The following PCDHGA4 variants were observed in gnomAD, a reference collection of about 807,000 sequenced individuals.
PCDHGA4 encodes the protein protocadherin gamma subfamily A, 4, also known as protocadherin gamma-A4.
In PCDHGA4, 38 loss-of-function variants were observed where a neutral mutation model predicts 54.6. The observed-to-expected ratio is 0.70, with a 90% CI of 0.54 to 0.91. PCDHGA4 has a LOEUF of 0.91. Ranked by LOEUF, PCDHGA4 falls within the 40% of genes least tolerant of loss-of-function variation. The pLI is 0.00. For missense variants in PCDHGA4, 1,298 were observed against 1,220.9 expected, an observed-to-expected ratio of 1.06 and a Z score of -0.94; for synonymous variants, 511 against 512.9, an observed-to-expected ratio of 1.00 and a Z score of 0.05.
chr5:141,456,178 A>G (rs1216202318), intron 1 of PCDHGA4, among the ~76,000 whole-genome samples: 1 of 151,926 alleles, frequency 6.6e-6, no homozygotes, highest in African/African-American at 2.4e-5. Context: ...ATTACAGAAT[A>G]ATTTCTTAAT....
At chr5:141,386,536 G>C (rs919634660) in intron 1 of PCDHGA4, among the ~76,000 whole-genome samples, 6 of 151,656 alleles carry the variant, frequency 4.0e-5, no homozygotes, top group Admixed American at 6.6e-5. Flanking sequence ...TTTTAGACTA[G>C]TGTTGTATTT....
intron 1 of PCDHGA4, chr5:141,423,505 C>G: frequency 6.2e-7 from 1 of 1,613,932 alleles, no homozygotes; most frequent in Non-Finnish European, 8.5e-7. Context: ...CGAGGTCTCT[C>G]TCATTGCGGA....
intron 1 of PCDHGA4, chr5:141,364,117 G>A: frequency 2.2e-6 from 1 of 453,996 alleles, no homozygotes; most frequent in Non-Finnish European, 3.8e-6. Flanking sequence ...TTAGGACTCT[G>A]AGTGTCGCTG....
chr5:141,392,597 C>G (rs761805266), intron 1 of PCDHGA4: 11 of 501,346 alleles, frequency 2.2e-5, no homozygotes, highest in Non-Finnish European at 3.8e-5. Context: ...TGTTCACCTA[C>G]TGGAAGACAA....
intron 1 of PCDHGA4, chr5:141,393,681 C>G (rs2092820491): frequency 1.2e-6 from 2 of 1,613,772 alleles, no homozygotes; most frequent in Non-Finnish European, 1.7e-6. Context: ...AAAACAAACT[C>G]CGTTATTCCA....
intron 1 of PCDHGA4, chr5:141,405,413 T>C: frequency 6.4e-7 from 1 of 1,561,606 alleles, no homozygotes; most frequent in South Asian, 1.2e-5. Context: ...TTTTCTTTTT[T>C]TGTTTTTTGT....
At chr5:141,443,317 C>CAA (rs35054295) in intron 1 of PCDHGA4, among the ~76,000 whole-genome samples, 2,546 of 141,926 alleles carry the variant, frequency 0.018, 55 homozygotes, top group African/African-American at 0.052. Flanking sequence ...CCCATCTCTA[C>CAA]AAAAAAAAAA....
intron 1 of PCDHGA4, chr5:141,387,869 G>A (rs772536133): frequency 6.3e-7 from 1 of 1,590,306 alleles, no homozygotes; most frequent in Non-Finnish European, 8.5e-7. Context: ...TGAGCAAGCT[G>A]AGGAGAGCAA....
At chr5:141,415,740 G>GTTTTTTTTTTTTTTTGT (rs2095912649) in intron 1 of PCDHGA4, 1 of 515,998 alleles carries the variant, frequency 1.9e-6, no homozygotes, top group Non-Finnish European at 2.6e-6. Flanking sequence ...GTTTATTAAG[G>GTTTTTTTTTTTTTTTGT]TTTTTTTTTT....
intron 1 of PCDHGA4, chr5:141,366,233 A>T (rs1354193643): frequency 6.2e-7 from 1 of 1,613,792 alleles, no homozygotes; most frequent in Admixed American, 1.7e-5. Flanking sequence ...CCTGCTGGAC[A>T]GAGACGCGCT....
In PCDHGA4 at chr5:141,414,114, T is replaced by C. The variant is rs145910780; in HGVS notation, c.2514+56493T>C. The C allele has an allele frequency of 2.0e-5, 32 of 1,592,348 alleles. 2 individuals carry two copies. In the East Asian group the frequency reaches 6.3e-4, roughly 32 times the overall value. ...TAAAAATATCAGAAAATCTAGATTA[T>C]GAAGAAACCGGTTTCTATGAAATAG... On this transcript the variant is annotated intron_variant, in intron 1 of 3. Coordinates refer to ENST00000571252, the MANE Select transcript of PCDHGA4 (RefSeq NM_018917.4).
At position 141,361,194 on chromosome 5, in the gene PCDHGA4, T is replaced by TA. The variant is rs755692638; in HGVS notation, c.2514+3574dup. ...CTGAAGTTATTGTGACTTCAGTATC[T>TA]ACTCCCCTACCGGAGGATTCGCCAC... is the stretch of plus-strand genomic sequence containing the variant. On this transcript the variant is annotated intron_variant, in intron 1 of 3. Transcript: ENST00000571252. The TA allele has an allele frequency of 9.9e-6, 16 of 1,613,986 alleles. No homozygotes were observed. In the South Asian group the frequency reaches 1.8e-4, roughly 18 times the overall value.
intron 1 of PCDHGA4, among the ~76,000 whole-genome samples, chr5:141,454,900 C>T (rs1411402448): frequency 1.4e-5 from 2 of 145,486 alleles, no homozygotes; most frequent in African/African-American, 2.6e-5. Flanking sequence ...CACCGCCTCC[C>T]GGGTTCACGC....
At chr5:141,374,737 C>A in intron 1 of PCDHGA4, 2 of 1,610,672 alleles carry the variant, frequency 1.2e-6, no homozygotes, top group Non-Finnish European at 1.7e-6. Context: ...TGGATGGCGG[C>A]GACCCTGTCC....
intron 1 of PCDHGA4, chr5:141,423,658 CA>C: frequency 6.4e-7 from 1 of 1,571,150 alleles, no homozygotes; most frequent in Non-Finnish European, 8.6e-7. Flanking sequence ...GACAAGTAAT[CA>C]GGTGAGATTT....
chr5:141,371,979 G>T (rs1216406946), intron 1 of PCDHGA4: 1 of 1,613,118 alleles, frequency 6.2e-7, no homozygotes, highest in Non-Finnish European at 8.5e-7. Flanking sequence ...GCGTGCCTTC[G>T]AGCTCACTCT....
At chr5:141,423,990 T>A (rs2096793990) in intron 1 of PCDHGA4, 2 of 1,090,000 alleles carry the variant, frequency 1.8e-6, no homozygotes, top group East Asian at 1.1e-4. Flanking sequence ...GCTCTCAATT[T>A]ATTATATATA....
At chr5:141,390,529 T>C in intron 1 of PCDHGA4, 1 of 537,128 alleles carries the variant, frequency 1.9e-6, no homozygotes, top group Non-Finnish European at 3.3e-6. Context: ...GAGGGTGTGG[T>C]TTTAACCACA....
chr5:141,452,884 A>C (rs746547069), intron 1 of PCDHGA4, among the ~76,000 whole-genome samples: 1 of 152,204 alleles, frequency 6.6e-6, no homozygotes, highest in Non-Finnish European at 1.5e-5. Flanking sequence ...GTAATAATTT[A>C]TTCCACTTTT....
Sources: gnomAD v4.1 joint callset for allele counts (sites outside exome capture counted in the v4.1 genomes callset) on GRCh38, gnomAD v4.1.1 for gene constraint, MANE v1.5 for transcripts, NCBI Gene and HGNC (gene_info 2026-07-23, HGNC 2026-07-21) for gene names.